The following RYR1 variants were observed in gnomAD, a reference collection of about 807,000 sequenced individuals.
RYR1 encodes the protein ryanodine receptor 1.
A neutral mutation model predicts 583.5 loss-of-function variants in RYR1; 342 were observed. That is an observed-to-expected ratio of 0.59 (90% CI 0.54 to 0.64). The LOEUF is 0.64. Among genes scored for constraint, RYR1 ranks in the 30% least tolerant of loss-of-function variants. RYR1 has a pLI of 0.00. For missense variants in RYR1, 6,032 were observed against 6,917.2 expected (o/e 0.87, Z 4.54); for synonymous variants, 2,791 against 2,822.5 (o/e 0.99, Z 0.35).
Position 38,502,973 on chromosome 19 carries a change from G to A in RYR1, c.7926+3G>A. On this transcript the variant is annotated splice_donor_region_variant and intron_variant, in intron 49 of 105. Coordinates refer to ENST00000359596, the MANE Select transcript of RYR1 (RefSeq NM_000540.3). ...AGTTCGCCAAGATGCCACTCAAGGTGAGGGCAAGCGCTCTTTAGCATCTCA... is the reference window on the plus strand; with the variant it reads ...AGTTCGCCAAGATGCCACTCAAGGTAAGGGCAAGCGCTCTTTAGCATCTCA... 6.2e-7 allele frequency: 1 copy of A among 1,607,736 alleles called. No individual in the cohort carries two copies. The highest frequency in any genetic ancestry group is 1.1e-5 in the South Asian group (1 of 91,058).
intron 91 of RYR1, among the ~76,000 whole-genome samples, chr19:38,566,274 C>G (rs148633706): frequency 3.3e-5 from 5 of 151,458 alleles, no homozygotes; most frequent in Non-Finnish European, 7.4e-5. Flanking sequence ...CGTGGTGGAA[C>G]CCCGTCTCTA....
Position 38,444,452 on chromosome 19 carries a change from C to T in RYR1, c.538-132C>T. 1 of 869,158 alleles carries T rather than the reference C, an allele frequency of 1.2e-6. No individual in the cohort carries two copies. The highest frequency in any genetic ancestry group is 2.6e-5 in the East Asian group (1 of 37,790). The allele number at this position is 869,158 out of a possible 1,614,324, so 53.8% of individuals were successfully genotyped here. ...TTGCCCGACTTGATCATTTCCTGAT[C>T]TGTGATCTCTGATGACTCTGTCTCC... On this transcript the variant is annotated intron_variant, in intron 6 of 105. Transcript: ENST00000359596. The surrounding 1 kb of genome is among the most constrained non-coding windows in gnomAD (Gnocchi z 5.1).
At chr19:38,494,813 G>A (rs576813661) in intron 39 of RYR1, among the ~76,000 whole-genome samples, 188 bp downstream of exon 39, 12 of 149,624 alleles carry the variant, frequency 8.0e-5, no homozygotes, top group Admixed American at 5.3e-4. Context: ...TAGCAGCTCC[G>A]CTTCTGTGTG....
intron 81 of RYR1, 86 bp from the exon 82 acceptor site, chr19:38,535,911 A>T: frequency 8.4e-7 from 1 of 1,188,066 alleles, no homozygotes; most frequent in Non-Finnish European, 1.2e-6. Flanking sequence ...TCTCCAGGCT[A>T]CCATGGTGGG....
At chr19:38,586,835 G>A (rs1351432980) in intron 105 of RYR1, among the ~76,000 whole-genome samples, 1 of 152,158 alleles carries the variant, frequency 6.6e-6, no homozygotes, top group Non-Finnish European at 1.5e-5. Flanking sequence ...GCAGGGCGTG[G>A]TTGTGCATGC....
chr19:38,500,655 G>A lies in RYR1; in HGVS notation c.7373G>A (p.Arg2458His), dbSNP rs121918594. Residue 2458 changes from arginine (R) to histidine (H), a missense_variant, in exon 46 of 106, where the codon CGC becomes CAC. Transcript: ENST00000359596. This position sits in a 1 kb window ranked among gnomAD's most constrained non-coding sequence, Gnocchi z 5.9. The part of the protein sequence containing the change: ...GEALRIRAIL[R>H]SLVPLEDLVG... Reference sequence around the variant, plus strand: ...GCCCTGCGGATCCGCGCCATCCTCCGCTCCCTTGTGCCCTTGGAGGACCTT... The same window carrying A: ...GCCCTGCGGATCCGCGCCATCCTCCACTCCCTTGTGCCCTTGGAGGACCTT... 8 of 1,613,910 alleles carry A rather than the reference G, an allele frequency of 5.0e-6. No individual in the cohort carries two copies. The highest frequency in any genetic ancestry group is 6.8e-6 in the Non-Finnish European group (8 of 1,180,000).
In RYR1 at chr19:38,461,358, G is replaced by A. The variant is rs142540906; in HGVS notation, c.2577+767G>A. ...AGCTGCCCTAGAAGCTGGGAACCTC[G>A]TTGTTTAACAGATGGAGAAACTGAG... On this transcript the variant is annotated intron_variant, in intron 20 of 105. Coordinates refer to ENST00000359596, the MANE Select transcript of RYR1 (RefSeq NM_000540.3). Among the ~76,000 whole-genome samples the A allele has an allele frequency of 3.6e-3, 552 of 152,190 alleles. 3 individuals are homozygous for A. Among genetic ancestry groups the A allele is most frequent in the African/African-American group, 0.013 (526 of 41,532 alleles).
Position 38,575,878 on chromosome 19 carries a change from C to T in RYR1, c.14130-41C>T, listed in dbSNP as rs544284262. The T allele has an allele frequency of 3.2e-5, 52 of 1,611,812 alleles. 2 individuals carry two copies. In the South Asian group the frequency reaches 5.2e-4, roughly 16 times the overall value. On this transcript the variant is annotated intron_variant, in intron 96 of 105. Coordinates refer to ENST00000359596, the MANE Select transcript of RYR1 (RefSeq NM_000540.3). ...GCTGACAGCTCTGATCCCTCTGGCC[C>T]TAACATCTTATACTCACGCTTTCTC...
chr19:38,439,222 C>T (rs1972562850), intron 1 of RYR1, among the ~76,000 whole-genome samples: 1 of 150,792 alleles, frequency 6.6e-6, no homozygotes. Context: ...ATGGAGTTTT[C>T]CCCAGGCTGG....
intron 20 of RYR1, among the ~76,000 whole-genome samples, chr19:38,462,217 C>T (rs922506245): frequency 5.9e-5 from 9 of 152,106 alleles, no homozygotes; most frequent in East Asian, 1.9e-4. Context: ...TTTGTTCCTC[C>T]GTGAGGAAAA....
chr19:38,565,121 G>C lies in RYR1; in HGVS notation c.12787G>C (p.Glu4263Gln). 6.5e-7 allele frequency: 1 copy of C among 1,536,654 alleles called. No homozygotes were observed. Among genetic ancestry groups the C allele is most frequent in the Non-Finnish European group, 8.7e-7 (1 of 1,145,240 alleles). Residue 4263 changes from glutamate to glutamine, a missense_variant, in exon 91 of 106, where the codon GAG (glutamate) becomes CAG (glutamine). Coordinates refer to ENST00000359596, the MANE Select transcript of RYR1 (RefSeq NM_000540.3). The surrounding 1 kb of genome is among the most constrained non-coding windows in gnomAD (Gnocchi z 4.7). The part of the protein sequence containing the change: ...PEGEPETDED[E>Q]GAGAAEAGAE... ...GGGCGAGCCGGAGACCGACGAGGACGAGGGCGCGGGCGCGGCGGAGGCGGG... is the reference window on the plus strand; with the variant it reads ...GGGCGAGCCGGAGACCGACGAGGACCAGGGCGCGGGCGCGGCGGAGGCGGG...
At chr19:38,515,887 G>A (rs1259169752) in intron 64 of RYR1, among the ~76,000 whole-genome samples, 200 bp from the exon 65 acceptor site, 1 of 152,212 alleles carries the variant, frequency 6.6e-6, no homozygotes. Flanking sequence ...GTTGCTGTGA[G>A]CCAAGATCAG....
chr19:38,475,426 C>T lies in RYR1; in HGVS notation c.4269C>T (p.Pro1423=), dbSNP rs2229141. 1.7e-4 allele frequency: 272 copies of T among 1,613,772 alleles called. No individual in the cohort carries two copies. The highest frequency in any genetic ancestry group is 2.1e-4 in the Non-Finnish European group (253 of 1,180,030). ...TGCCTGCAGACAACCGCGATGACCC[C>T]GAGATCATCCTCAACACCACCACGG... ...DVVPADNRDD[P]EIILNTTTYY... Residue 1423 remains proline, a synonymous_variant, in exon 29 of 106, where the codon CCC becomes CCT. Coordinates refer to ENST00000359596, the MANE Select transcript of RYR1 (RefSeq NM_000540.3).
intron 66 of RYR1, among the ~76,000 whole-genome samples, chr19:38,518,825 G>T (rs1971090815): frequency 6.6e-6 from 1 of 152,082 alleles, no homozygotes; most frequent in East Asian, 1.9e-4. Flanking sequence ...GCTACTCGGG[G>T]CTGAGGCAGG....
At chr19:38,464,572 C>T (rs930429001) in intron 22 of RYR1, 67 bp from the exon 23 acceptor site, 44 of 1,372,768 alleles carry the variant, frequency 3.2e-5, no homozygotes, top group East Asian at 2.3e-4. Context: ...ACCCTGAGGC[C>T]GTGGGAGGAG....
chr19:38,437,773 G>A (rs1412299347), intron 1 of RYR1, among the ~76,000 whole-genome samples: 1 of 151,792 alleles, frequency 6.6e-6, no homozygotes, highest in Non-Finnish European at 1.5e-5. Flanking sequence ...CTGTGATCTC[G>A]CCACTGCACT....
At chr19:38,548,558 A>G (rs1254087347) in intron 89 of RYR1, 138 bp downstream of exon 89, 12 of 791,154 alleles carry the variant, frequency 1.5e-5, no homozygotes, top group Non-Finnish European at 2.3e-5. Context: ...AGGATAAAAC[A>G]GTCCTTGGGT....
rs1327115894 is a variant in RYR1 at position 38,527,804 on chromosome 19, T to A, written c.10824+20T>A. ...GACCAGGTGGGTGGGGCCGGAGGGG[T>A]CTTTCTACTGGGTCTCTGGGCGGAG... On this transcript the variant is annotated intron_variant, in intron 73 of 105. Coordinates refer to ENST00000359596, the MANE Select transcript of RYR1 (RefSeq NM_000540.3). 1.2e-6 allele frequency: 2 copies of A among 1,608,280 alleles called. No individual in the cohort carries two copies. The highest frequency in any genetic ancestry group is 1.7e-6 in the Non-Finnish European group (2 of 1,178,332).
chr19:38,456,700 A>G (rs1967413450), intron 16 of RYR1, among the ~76,000 whole-genome samples: 1 of 151,368 alleles, frequency 6.6e-6, no homozygotes, highest in African/African-American at 2.4e-5. Flanking sequence ...ATTATTTCTA[A>G]CCACTTCACA....
Sources: gnomAD v4.1 joint callset for allele counts (sites outside exome capture counted in the v4.1 genomes callset) on GRCh38, gnomAD v4.1.1 for gene constraint, Gnocchi (gnomAD v3.1) non-coding constraint, MANE v1.5 for transcripts, NCBI Gene and HGNC (gene_info 2026-07-23, HGNC 2026-07-21) for gene names.